Variants in HS3ST4 observed in about 807,000 individuals in gnomAD.
HS3ST4 encodes the protein heparan sulfate glucosamine 3-O-sulfotransferase 4.
Under a neutral mutation model 29.2 loss-of-function variants are expected in HS3ST4, and 17 were observed. That is an observed-to-expected ratio of 0.58 (90% CI 0.40 to 0.87). The LOEUF is 0.87. Among genes scored for constraint, HS3ST4 ranks in the 40% least tolerant of loss-of-function variants. HS3ST4 has a pLI of 0.00. For missense variants in HS3ST4, 627 were observed against 634.5 expected, an observed-to-expected ratio of 0.99 and a Z score of 0.13; for synonymous variants, 314 against 285.7, an observed-to-expected ratio of 1.10 and a Z score of -1.00.
chr16:25,825,026 T>C (rs1316133913), intron 1 of HS3ST4, among the ~76,000 whole-genome samples: 3 of 152,216 alleles, frequency 2.0e-5, no homozygotes, highest in Admixed American at 6.5e-5. Context: ...CCTAATCCAA[T>C]GATCGTTGTC....
At chr16:26,008,824 A>G (rs553676017) in intron 1 of HS3ST4, among the ~76,000 whole-genome samples, 1 of 152,182 alleles carries the variant, frequency 6.6e-6, no homozygotes, top group Non-Finnish European at 1.5e-5. Context: ...GTCTCTAGAA[A>G]AAAACAAAAC....
At chr16:25,696,744 A>T (rs1056751941) in intron 1 of HS3ST4, among the ~76,000 whole-genome samples, 2 of 152,184 alleles carry the variant, frequency 1.3e-5, no homozygotes, top group Non-Finnish European at 2.9e-5. Flanking sequence ...CGCTTATGCT[A>T]CCCAGAGGAA....
chr16:25,804,745 AT>A (rs1405651602), intron 1 of HS3ST4, among the ~76,000 whole-genome samples: 10 of 151,724 alleles, frequency 6.6e-5, no homozygotes, highest in African/African-American at 2.2e-4. Flanking sequence ...ACCGCACAAC[AT>A]TTTTTTCTAG....
intron 1 of HS3ST4, among the ~76,000 whole-genome samples, chr16:25,934,890 T>C (rs1327747711): frequency 1.3e-5 from 2 of 152,216 alleles, no homozygotes; most frequent in Non-Finnish European, 2.9e-5. Flanking sequence ...CATAGCCTCC[T>C]TCATATGGTT....
At chr16:26,008,701 C>T (rs1224267586) in intron 1 of HS3ST4, among the ~76,000 whole-genome samples, 2 of 152,074 alleles carry the variant, frequency 1.3e-5, no homozygotes, top group African/African-American at 4.8e-5. Flanking sequence ...TGCCTGTAAT[C>T]CCAGCTACTT....
chr16:25,988,927 G>C (rs141955882), intron 1 of HS3ST4, among the ~76,000 whole-genome samples: 3 of 151,678 alleles, frequency 2.0e-5, no homozygotes, highest in Non-Finnish European at 4.4e-5. Context: ...TTTAAAAAGC[G>C]TTAGAAGAAA....
intron 1 of HS3ST4, among the ~76,000 whole-genome samples, chr16:26,127,095 A>G (rs1256629139): frequency 6.6e-6 from 1 of 152,118 alleles, no homozygotes; most frequent in Non-Finnish European, 1.5e-5. Flanking sequence ...AAAATCAAAC[A>G]TAAGATAATT....
intron 1 of HS3ST4, among the ~76,000 whole-genome samples, chr16:25,767,668 G>A (rs1322088650): frequency 6.6e-6 from 1 of 152,142 alleles, no homozygotes; most frequent in East Asian, 1.9e-4. Context: ...CTGGATTATG[G>A]CAGTTTCTGG....
chr16:26,099,801 GCACA>G (rs377128647), intron 1 of HS3ST4, among the ~76,000 whole-genome samples: 2 of 151,926 alleles, frequency 1.3e-5, no homozygotes, highest in African/African-American at 4.8e-5. Flanking sequence ...ACATACACAT[GCACA>G]CACACACGCA....
chr16:25,692,878 G>A lies in HS3ST4; in HGVS notation c.461G>A (p.Ser154Asn). 4 of 1,545,626 alleles carry A rather than the reference G, an allele frequency of 2.6e-6. No homozygotes were observed. The highest frequency in any genetic ancestry group is 1.4e-5 in the African/African-American group (1 of 72,606). ...LAPSEMITAQ[S>N]ALPEREAQES... ...CCCAGCGAGATGATCACGGCTCAGAGCGCGCTGCCGGAGAGGGAAGCGCAG... is the reference window on the plus strand; with the variant it reads ...CCCAGCGAGATGATCACGGCTCAGAACGCGCTGCCGGAGAGGGAAGCGCAG... Residue 154 changes from serine (S) to asparagine (N), a missense_variant, in exon 1 of 2, where the codon AGC becomes AAC. By Grantham distance (46) the Ser-to-Asn change is conservative. This residue lies in a region of HS3ST4 where 402 missense variants were observed against 340.8 expected (regional missense o/e 1.18). Coordinates refer to ENST00000331351, the MANE Select transcript of HS3ST4 (RefSeq NM_006040.3).
intron 1 of HS3ST4, among the ~76,000 whole-genome samples, chr16:25,705,321 G>A (rs1159764123): frequency 5.3e-5 from 8 of 152,130 alleles, no homozygotes; most frequent in Admixed American, 1.3e-4. Context: ...AAACTACGTG[G>A]GCACCTCTGT....
chr16:26,067,020 G>C (rs1195884592), intron 1 of HS3ST4, among the ~76,000 whole-genome samples: 14 of 152,132 alleles, frequency 9.2e-5, no homozygotes, highest in Non-Finnish European at 1.9e-4. Context: ...AGCTAGATCA[G>C]GTAGGAAAGT....
intron 1 of HS3ST4, among the ~76,000 whole-genome samples, chr16:25,987,706 A>T (rs181660828): frequency 2.4e-4 from 37 of 152,238 alleles, no homozygotes; most frequent in African/African-American, 8.7e-4. Flanking sequence ...CATTCTGTGG[A>T]GTCCTACCTG....
intron 1 of HS3ST4, among the ~76,000 whole-genome samples, chr16:26,098,342 C>T (rs961436775): frequency 2.6e-5 from 4 of 152,180 alleles, no homozygotes. Flanking sequence ...GCCAAATGTC[C>T]ATCAGTGATA....
chr16:25,926,902 C>T (rs1294211753), intron 1 of HS3ST4, among the ~76,000 whole-genome samples: 1 of 152,088 alleles, frequency 6.6e-6, no homozygotes, highest in Non-Finnish European at 1.5e-5. Context: ...TTAGCAAGCA[C>T]CCCCATTTTG....
intron 1 of HS3ST4, among the ~76,000 whole-genome samples, chr16:25,833,000 G>A (rs932814161): frequency 2.6e-5 from 4 of 152,062 alleles, no homozygotes; most frequent in African/African-American, 9.7e-5. Context: ...ACGCCAGCTG[G>A]GCATCTGATT....
intron 1 of HS3ST4, among the ~76,000 whole-genome samples, chr16:25,804,901 CTAT>C (rs1202124943): frequency 6.6e-6 from 1 of 151,958 alleles, no homozygotes; most frequent in Non-Finnish European, 1.5e-5. Context: ...TGCTTAGTTA[CTAT>C]TATTGTCTAT....
chr16:26,053,608 G>C (rs1424800646), intron 1 of HS3ST4, among the ~76,000 whole-genome samples: 1 of 152,054 alleles, frequency 6.6e-6, no homozygotes, highest in African/African-American at 2.4e-5. Context: ...TTTGGTTTGG[G>C]ACTTTCATGT....
intron 1 of HS3ST4, among the ~76,000 whole-genome samples, chr16:26,073,907 A>G (rs1363118316): frequency 6.6e-6 from 1 of 152,168 alleles, no homozygotes; most frequent in African/African-American, 2.4e-5. Flanking sequence ...ACAGGACTGA[A>G]TAAGACAAAG....
Sources: gnomAD v4.1 joint callset for allele counts (sites outside exome capture counted in the v4.1 genomes callset) on GRCh38, gnomAD v4.1.1 for gene constraint, gnomAD v4.1.1 regional missense constraint, MANE v1.5 for transcripts, NCBI Gene and HGNC (gene_info 2026-07-23, HGNC 2026-07-21) for gene names.